The following CDH23 variants were observed in gnomAD, a reference collection of about 807,000 sequenced individuals.
The protein encoded by CDH23 is cadherin related 23.
A neutral mutation model predicts 317.1 loss-of-function variants in CDH23; 189 were observed. The ratio of observed to expected loss-of-function variants is 0.60; its 90% CI spans 0.53 to 0.67. The LOEUF (loss-of-function observed/expected upper bound fraction) is 0.67, where lower values mean the gene tolerates loss of function less well. Among genes scored for constraint, CDH23 ranks in the 30% least tolerant of loss-of-function variants. The pLI, the probability that CDH23 is intolerant of heterozygous loss-of-function variation, is 0.00. For synonymous variants in CDH23, 1,839 were observed against 1,876.8 expected, an observed-to-expected ratio of 0.98 and a Z score of 0.52; for missense variants, 4,401 against 4,592.4, an observed-to-expected ratio of 0.96 and a Z score of 1.20.
At chr10:71,517,840 C>G (rs772007622) in intron 6 of CDH23, among the ~76,000 whole-genome samples, 1 of 152,194 alleles carries the variant, frequency 6.6e-6, no homozygotes, top group Non-Finnish European at 1.5e-5. Context: ...CAGCCCCAGA[C>G]GATGTCTCTA....
chr10:71,509,150 A>G (rs1853811243), intron 3 of CDH23, among the ~76,000 whole-genome samples: 1 of 152,162 alleles, frequency 6.6e-6, no homozygotes, highest in South Asian at 2.1e-4. Context: ...AGACCTTGTC[A>G]CCCAGTTCTA....
chr10:71,771,175 CTGT>C, intron 38 of CDH23, among the ~76,000 whole-genome samples: 1 of 152,260 alleles, frequency 6.6e-6, no homozygotes, highest in South Asian at 2.1e-4. Flanking sequence ...CTGGGAATGT[CTGT>C]GGGGAAGAAG....
In CDH23 at chr10:71,513,674, C is replaced by T. The variant is rs138172864; in HGVS notation, c.429+2462C>T. On this transcript the variant is annotated intron_variant, in intron 6 of 69. Coordinates refer to ENST00000224721, the MANE Select transcript of CDH23 (RefSeq NM_022124.6). ...AGCAGTGGTTGCTCTTGTGCTGTTT[C>T]GTGGGAAGAGAGAAACTGGAGTCAG... is the stretch of plus-strand genomic sequence containing the variant. 3.9e-3 allele frequency among the ~76,000 whole-genome samples: 588 copies of T among 152,210 alleles called. 5 individuals are homozygous for T. Among genetic ancestry groups the T allele is most frequent in the African/African-American group, 0.013 (555 of 41,526 alleles).
At position 71,534,610 on chromosome 10, in the gene CDH23, C is replaced by T. The variant is rs536587192; in HGVS notation, c.429+23398C>T. Among the ~76,000 whole-genome samples, 10 of 152,322 alleles carry T rather than the reference C, an allele frequency of 6.6e-5. No individual in the cohort carries two copies. The South Asian group carries it at 1.0e-3, about 16-fold the overall frequency. Reference sequence around the variant, plus strand: ...ATCTGCATTTTCCAGCCCAGTTCTGCCACCACCCCCTATGTCAGAACCAAC... The same window carrying T: ...ATCTGCATTTTCCAGCCCAGTTCTGTCACCACCCCCTATGTCAGAACCAAC... On this transcript the variant is annotated intron_variant, in intron 6 of 69. Coordinates refer to ENST00000224721, the MANE Select transcript of CDH23 (RefSeq NM_022124.6).
intron 45 of CDH23, 36 bp downstream of exon 45, chr10:71,789,078 G>T (rs770395578): frequency 1.9e-6 from 2 of 1,030,636 alleles, no homozygotes; most frequent in South Asian, 2.5e-5. Flanking sequence ...TCCTGCTGTT[G>T]CCAGGCACCA....
intron 38 of CDH23, among the ~76,000 whole-genome samples, chr10:71,774,191 C>A (rs180904528): frequency 6.6e-6 from 1 of 152,248 alleles, no homozygotes; most frequent in East Asian, 1.9e-4. Flanking sequence ...GCACATCCTG[C>A]AAGCTCCCCT....
At chr10:71,679,604 TG>T (rs1412005974) in intron 17 of CDH23, 112 bp downstream of exon 17, 3 of 872,762 alleles carry the variant, frequency 3.4e-6, no homozygotes. Context: ...CCTGACACTC[TG>T]GGCTACTCAG....
intron 3 of CDH23, among the ~76,000 whole-genome samples, chr10:71,456,011 G>A (rs1850677693): frequency 6.6e-6 from 1 of 152,086 alleles, no homozygotes; most frequent in South Asian, 2.1e-4. Context: ...GGTGCCTCCA[G>A]GCCTGGGCAA....
intron 6 of CDH23, among the ~76,000 whole-genome samples, chr10:71,560,491 C>T (rs966857265): frequency 7.2e-5 from 11 of 152,312 alleles, no homozygotes; most frequent in Non-Finnish European, 1.6e-4. Flanking sequence ...ACTCTCCACC[C>T]TTTTCTCTGG....
At chr10:71,738,957 G>A (rs544340232) in intron 35 of CDH23, among the ~76,000 whole-genome samples, 8 of 152,348 alleles carry the variant, frequency 5.3e-5, no homozygotes, top group East Asian at 3.9e-4. Context: ...GGACATGCTC[G>A]TCCTCTCTCC....
intron 51 of CDH23, 59 bp downstream of exon 51, chr10:71,799,339 G>A (rs1372662986): frequency 1.9e-6 from 3 of 1,611,150 alleles, no homozygotes; most frequent in African/African-American, 1.3e-5. Flanking sequence ...GGGGTCTTTG[G>A]GCATCTTCCT....
chr10:71,765,821 A>T (rs1840527360), intron 38 of CDH23, among the ~76,000 whole-genome samples: 1 of 151,822 alleles, frequency 6.6e-6, no homozygotes, highest in Non-Finnish European at 1.5e-5. Flanking sequence ...GGAGCAGGGG[A>T]GGATGTTCAG....
chr10:71,525,158 C>T lies in CDH23; in HGVS notation c.429+13946C>T, dbSNP rs1488967843. Among the ~76,000 whole-genome samples the T allele has an allele frequency of 3.9e-5, 6 of 152,334 alleles. No homozygotes were observed. In the East Asian group the frequency reaches 1.2e-3, roughly 29 times the overall value. On this transcript the variant is annotated intron_variant, in intron 6 of 69. Coordinates refer to ENST00000224721, the MANE Select transcript of CDH23 (RefSeq NM_022124.6). Reference sequence around the variant, plus strand: ...CTGACTTCAAGTGATCTGCCCACCTCGGCCCCCCAAAGTGCTGGGATTACA... The same window carrying T: ...CTGACTTCAAGTGATCTGCCCACCTTGGCCCCCCAAAGTGCTGGGATTACA...
Position 71,402,540 on chromosome 10 carries a change from A to G in CDH23, c.-6+5222A>G, listed in dbSNP as rs559603517. Among the ~76,000 whole-genome samples the G allele has an allele frequency of 1.1e-4, 16 of 152,358 alleles. No individual in the cohort carries two copies. The South Asian group carries it at 3.3e-3, about 32-fold the overall frequency. On this transcript the variant is annotated intron_variant, in intron 1 of 69. Coordinates refer to ENST00000224721, the MANE Select transcript of CDH23 (RefSeq NM_022124.6). ...TAATGAGAGGACAACTTTACAAGGC[A>G]TTGTGTAGTACCTGGCGCACAGTAT...
chr10:71,549,873 G>C (rs1474046754), intron 6 of CDH23, among the ~76,000 whole-genome samples: 1 of 152,206 alleles, frequency 6.6e-6, no homozygotes, highest in Non-Finnish European at 1.5e-5. Context: ...TGTGGGGCGG[G>C]GTCGGGGAGG....
intron 68 of CDH23, 110 bp downstream of exon 68, chr10:71,813,000 C>G (rs1841994258): frequency 1.3e-6 from 2 of 1,511,164 alleles, no homozygotes; most frequent in African/African-American, 2.8e-5. Context: ...CCACCCTCCA[C>G]TGGGGCGAGA....
chr10:71,675,954 G>A (rs988171653), intron 15 of CDH23, among the ~76,000 whole-genome samples: 4 of 134,334 alleles, frequency 3.0e-5, no homozygotes, highest in African/African-American at 1.1e-4. Flanking sequence ...TGCCCAGGCT[G>A]TAGTGCAATG....
chr10:71,590,994 G>A (rs1859458041), intron 9 of CDH23, among the ~76,000 whole-genome samples: 1 of 152,026 alleles, frequency 6.6e-6, no homozygotes, highest in Non-Finnish European at 1.5e-5. Context: ...GCTTCCACAT[G>A]GGTGGTCTTG....
intron 19 of CDH23, among the ~76,000 whole-genome samples, chr10:71,688,831 T>A (rs1178807029): frequency 1.9e-5 from 2 of 102,810 alleles, no homozygotes; most frequent in Admixed American, 9.4e-5. Context: ...CCAGGGGTGG[T>A]GGAGTCAGGG....
Sources: allele counts gnomAD v4.1 joint callset (sites outside exome capture counted in the v4.1 genomes callset), GRCh38; gene constraint gnomAD v4.1.1; transcripts MANE v1.5; gene names NCBI Gene and HGNC (gene_info 2026-07-23, HGNC 2026-07-21).